GRIK2: variants seen among roughly 807,000 people sequenced by gnomAD.
GRIK2 encodes glutamate receptor ionotropic, kainate 2.
Under a neutral mutation model 100.3 loss-of-function variants are expected in GRIK2, and 32 were observed. The ratio of observed to expected loss-of-function variants is 0.32; its 90% CI spans 0.24 to 0.43. The LOEUF (loss-of-function observed/expected upper bound fraction) is 0.43, where lower values mean the gene tolerates loss of function less well. Among genes scored for constraint, GRIK2 ranks in the 20% least tolerant of loss-of-function variants. The pLI is 1.00. For synonymous variants in GRIK2, 417 were observed against 389.4 expected (o/e 1.07, Z -0.83); for missense variants, 843 against 1,114.9 (o/e 0.76, Z 3.47).
At chr6:101,877,940 A>T (rs1057276579) in intron 11 of GRIK2, among the ~76,000 whole-genome samples, 9 of 151,702 alleles carry the variant, frequency 5.9e-5, no homozygotes, top group Middle Eastern at 6.8e-3. Flanking sequence ...TTGAAGTGTG[A>T]TCTTAGACAA....
chr6:102,000,097 T>G (rs1275233583), intron 14 of GRIK2, among the ~76,000 whole-genome samples: 1 of 152,084 alleles, frequency 6.6e-6, no homozygotes, highest in East Asian at 1.9e-4. Flanking sequence ...GGGATATTGG[T>G]CTAAAGTTTG....
intron 13 of GRIK2, 187 bp from the exon 14 acceptor site, chr6:101,928,228 G>C (rs1790038341): frequency 1.7e-6 from 1 of 592,874 alleles, no homozygotes; most frequent in Admixed American, 3.0e-5. Flanking sequence ...TGTCCTAAAA[G>C]ATTGTCTATT....
intron 7 of GRIK2, among the ~76,000 whole-genome samples, chr6:101,792,809 A>G (rs1484366151): frequency 1.3e-5 from 2 of 152,018 alleles, no homozygotes; most frequent in Non-Finnish European, 1.5e-5. Flanking sequence ...GTTTTTTCCA[A>G]CTTGGTTCCA....
chr6:101,671,282 G>A (rs1381636675), intron 4 of GRIK2, among the ~76,000 whole-genome samples: 1 of 151,624 alleles, frequency 6.6e-6, no homozygotes, highest in Non-Finnish European at 1.5e-5. Context: ...TACCATATTA[G>A]CAATAAAAAT....
chr6:102,043,388 A>G (rs1176272202), intron 15 of GRIK2, among the ~76,000 whole-genome samples: 1 of 151,674 alleles, frequency 6.6e-6, no homozygotes, highest in Non-Finnish European at 1.5e-5. Flanking sequence ...TGTTCCTCTT[A>G]TCTGAGATTT....
At chr6:101,495,542 A>C (rs1398693563) in intron 2 of GRIK2, among the ~76,000 whole-genome samples, 4 of 152,148 alleles carry the variant, frequency 2.6e-5, no homozygotes, top group Non-Finnish European at 4.4e-5. Context: ...AATAAGATGC[A>C]GATAAAATTG....
intron 14 of GRIK2, among the ~76,000 whole-genome samples, chr6:101,961,070 C>T (rs1355184016): frequency 6.6e-6 from 1 of 152,094 alleles, no homozygotes; most frequent in East Asian, 1.9e-4. Flanking sequence ...TGAAAGCCTC[C>T]CATGTTTCTC....
chr6:101,405,016 G>A (rs375135660), intron 2 of GRIK2, among the ~76,000 whole-genome samples: 11 of 152,276 alleles, frequency 7.2e-5, no homozygotes, highest in African/African-American at 2.4e-4. Flanking sequence ...CGGTCATGGG[G>A]CGATAAAGAC....
chr6:101,673,697 C>G (rs1436742528), intron 4 of GRIK2, among the ~76,000 whole-genome samples: 5 of 152,310 alleles, frequency 3.3e-5, no homozygotes, highest in African/African-American at 1.2e-4. Context: ...TCCTCCCACT[C>G]TGAGTTAGAT....
intron 7 of GRIK2, among the ~76,000 whole-genome samples, chr6:101,718,283 C>A (rs1774208238): frequency 6.6e-6 from 1 of 151,702 alleles, no homozygotes; most frequent in African/African-American, 2.4e-5. Flanking sequence ...AAGGGAGAAT[C>A]TTTGTAGCAA....
intron 11 of GRIK2, among the ~76,000 whole-genome samples, chr6:101,866,693 G>A (rs534576897): frequency 6.6e-6 from 1 of 151,880 alleles, no homozygotes; most frequent in Non-Finnish European, 1.5e-5. Context: ...AAATAGTCTG[G>A]GGACAAATAG....
intron 14 of GRIK2, among the ~76,000 whole-genome samples, chr6:102,022,143 TACACACAC>T (rs3995831): frequency 7.5e-6 from 1 of 133,154 alleles, no homozygotes; most frequent in Non-Finnish European, 1.7e-5. Flanking sequence ...AACACACACA[TACACACAC>T]ACACACACAC....
chr6:101,641,647 C>T (rs1383441322), intron 4 of GRIK2, among the ~76,000 whole-genome samples: 1 of 151,764 alleles, frequency 6.6e-6, no homozygotes, highest in Non-Finnish European at 1.5e-5. Context: ...AAAACAACTG[C>T]TATATATTAG....
chr6:101,913,752 A>C (rs1368388745), intron 12 of GRIK2, among the ~76,000 whole-genome samples: 1 of 151,462 alleles, frequency 6.6e-6, no homozygotes, highest in African/African-American at 2.4e-5. Context: ...ACATTAACAA[A>C]GTAAAGAGAT....
chr6:101,968,112 C>A (rs1030520684), intron 14 of GRIK2, among the ~76,000 whole-genome samples: 1 of 151,808 alleles, frequency 6.6e-6, no homozygotes. Context: ...TCAAGTGAAA[C>A]AATAAAATAT....
chr6:102,007,300 T>G (rs9498799), intron 14 of GRIK2, among the ~76,000 whole-genome samples: 7,188 of 152,164 alleles, frequency 0.047, 254 homozygotes, highest in Admixed American at 0.12. Context: ...ATGAGACCTA[T>G]GTAAGAAAAT....
intron 10 of GRIK2, among the ~76,000 whole-genome samples, chr6:101,844,583 G>C (rs1783698841): frequency 6.6e-6 from 1 of 152,128 alleles, no homozygotes; most frequent in African/African-American, 2.4e-5. Flanking sequence ...GCATTTGCTA[G>C]TTTTAAATAA....
intron 2 of GRIK2, among the ~76,000 whole-genome samples, chr6:101,555,344 G>A (rs569005133): frequency 3.3e-4 from 50 of 152,174 alleles, no homozygotes; most frequent in Non-Finnish European, 6.8e-4. Context: ...GGGAAGGTTA[G>A]TGGACCTTAT....
intron 2 of GRIK2, among the ~76,000 whole-genome samples, chr6:101,611,013 G>C (rs529888313): frequency 6.6e-6 from 1 of 151,654 alleles, no homozygotes; most frequent in African/African-American, 2.4e-5. Flanking sequence ...TCTTCTCAGT[G>C]TGCAGTGCCT....
Sources: gnomAD v4.1 joint callset for allele counts (sites outside exome capture counted in the v4.1 genomes callset) on GRCh38, gnomAD v4.1.1 for gene constraint, MANE v1.5 for transcripts, NCBI Gene and HGNC (gene_info 2026-07-23, HGNC 2026-07-21) for gene names.